The following TOP3A variants were observed in gnomAD, a reference collection of about 807,000 sequenced individuals.
TOP3A encodes DNA topoisomerase 3-alpha.
In TOP3A, 64 loss-of-function variants were observed where a neutral mutation model predicts 111.3. The observed-to-expected ratio is 0.57, with a 90% CI of 0.47 to 0.71. The LOEUF (loss-of-function observed/expected upper bound fraction) is 0.71, where lower values mean the gene tolerates loss of function less well. TOP3A is among the 30% of genes least tolerant of loss of function. The probability of loss-of-function intolerance (pLI) is 0.00; values close to 1 mark genes in which losing one functional copy is unlikely to be tolerated. For synonymous variants in TOP3A, 484 were observed against 485.1 expected (o/e 1.00, Z 0.03); for missense variants, 1,104 against 1,285.0 (o/e 0.86, Z 2.15).
At chr17:18,286,463 C>A (rs1006984363) in intron 13 of TOP3A, among the ~76,000 whole-genome samples, 4 of 152,056 alleles carry the variant, frequency 2.6e-5, no homozygotes, top group African/African-American at 9.7e-5. Flanking sequence ...CTGCAGTGAG[C>A]GGAGATCGAG....
At position 18,314,881 on chromosome 17, in the gene TOP3A, G is replaced by T; in HGVS notation, c.-103C>A. 1.5e-6 allele frequency: 1 copy of T among 674,118 alleles called. No individual in the cohort carries two copies. The highest frequency in any genetic ancestry group is 2.2e-6 in the Non-Finnish European group (1 of 449,990). 41.8% of individuals were successfully genotyped at this position (674,118 alleles called of 1,614,324 possible). ...CCCACCGAAAGGGAACCAGAGCCTC[G>T]CTTCGGTCACGTCCCCACCAGCCTG... On this transcript the variant is annotated 5_prime_UTR_variant, in exon 1 of 19. Transcript: ENST00000321105.
At chr17:18,302,163 A>T (rs187640229) in intron 7 of TOP3A, 101 bp downstream of exon 7, 164 of 1,457,214 alleles carry the variant, frequency 1.1e-4, no homozygotes, top group Non-Finnish European at 1.5e-4. Flanking sequence ...CAGCAAGACT[A>T]AAATAAATCA....
chr17:18,306,978 A>G lies in TOP3A; in HGVS notation c.315-12T>C. On this transcript the variant is annotated splice_polypyrimidine_tract_variant and intron_variant, in intron 3 of 18. Coordinates refer to ENST00000321105, the MANE Select transcript of TOP3A (RefSeq NM_004618.5). The stretch of plus-strand genomic sequence containing the variant: ...GGTTGCAGCTCTGCCTAGAAAAGAA[A>G]TGAAAACAGAGTCCCAACTCAGTAC... The G allele has an allele frequency of 1.9e-6, 3 of 1,604,570 alleles. No individual in the cohort carries two copies. The highest frequency in any genetic ancestry group is 1.7e-6 in the Non-Finnish European group (2 of 1,172,314).
At chr17:18,308,017 G>A (rs1981688036) in intron 3 of TOP3A, among the ~76,000 whole-genome samples, 1 of 151,096 alleles carries the variant, frequency 6.6e-6, no homozygotes, top group African/African-American at 2.4e-5. Context: ...TTCGAGACCA[G>A]CCTGGTCAAC....
intron 1 of TOP3A, 98 bp from the exon 2 acceptor site, chr17:18,309,039 G>A: frequency 3.1e-6 from 2 of 644,574 alleles, no homozygotes; most frequent in African/African-American, 1.9e-5. Context: ...ATGATTTCTT[G>A]GTTATGATAC....
chr17:18,304,970 C>T, intron 5 of TOP3A, 142 bp downstream of exon 5: 1 of 721,978 alleles, frequency 1.4e-6, no homozygotes, highest in Non-Finnish European at 2.5e-6. Context: ...TGCTCCAGGA[C>T]ACATGGCTGG....
Position 18,294,762 on chromosome 17 carries a change from T to G in TOP3A, c.1014A>C (p.Arg338=). 6.2e-7 allele frequency: 1 copy of G among 1,614,066 alleles called. No homozygotes were observed. The highest frequency in any genetic ancestry group is 8.5e-7 in the Non-Finnish European group (1 of 1,179,932). Residue 338 remains arginine (R), a synonymous_variant, in exon 10 of 19, where the codon CGA becomes CGC. Coordinates refer to ENST00000321105, the MANE Select transcript of TOP3A (RefSeq NM_004618.5). ...DTVELEKLAS[R]KLRINAKETM... The stretch of plus-strand genomic sequence containing the variant: ...TTTCTTTAGCATTTATTCTCAACTT[T>G]CGAGAAGCCAGCTTCTCAAGCTCCT...
chr17:18,298,656 T>G (rs1446266036), intron 9 of TOP3A, among the ~76,000 whole-genome samples: 2 of 151,908 alleles, frequency 1.3e-5, no homozygotes, highest in African/African-American at 2.4e-5. Flanking sequence ...ATGGTTGCCG[T>G]GTCTGTGTAG....
At chr17:18,305,500 G>A (rs1170479680) in intron 4 of TOP3A, among the ~76,000 whole-genome samples, 4 of 146,716 alleles carry the variant, frequency 2.7e-5, no homozygotes, top group East Asian at 1.9e-4. Flanking sequence ...GCGCGCGCGC[G>A]CGCGCACGCA....
chr17:18,297,391 C>A (rs1382936748), intron 9 of TOP3A, among the ~76,000 whole-genome samples: 1 of 152,100 alleles, frequency 6.6e-6, no homozygotes, highest in African/African-American at 2.4e-5. Context: ...CACCATTGCA[C>A]TCCAGCCTAG....
intron 3 of TOP3A, 122 bp from the exon 4 acceptor site, chr17:18,307,088 T>C (rs1372409232): frequency 1.5e-6 from 1 of 663,104 alleles, no homozygotes; most frequent in Non-Finnish European, 2.6e-6. Flanking sequence ...TCCCGGTGAA[T>C]TGAAAGTAAG....
chr17:18,279,381 C>T (rs1453256526), intron 17 of TOP3A, among the ~76,000 whole-genome samples: 3 of 151,536 alleles, frequency 2.0e-5, no homozygotes, highest in East Asian at 2.0e-4. Flanking sequence ...CTCAGCCTGC[C>T]GAGTAGCTGG....
chr17:18,277,853 C>T lies in TOP3A; in HGVS notation c.2649G>A (p.Gly883=). 6.2e-7 allele frequency: 1 copy of T among 1,614,110 alleles called. No homozygotes were observed. ...CPPGPGIHLG[G]FGNPGDGSGS... is the part of the protein sequence containing the mutation. ...CACTGCCATCACCAGGGTTGCCAAACCCACCTAGGTGGATCCCTGGGCCTG... is the reference window on the plus strand; with the variant it reads ...CACTGCCATCACCAGGGTTGCCAAATCCACCTAGGTGGATCCCTGGGCCTG... The change falls in exon 18 of 19, where the codon GGG becomes GGA. Residue 883 remains glycine, a synonymous_variant. Transcript: ENST00000321105.
rs988646739 is a variant in TOP3A, at chr17:18,292,774, G to T, written c.1152C>A (p.Thr384=). 1 of 1,614,028 alleles carries T rather than the reference G, an allele frequency of 6.2e-7. No individual in the cohort carries two copies. Among genetic ancestry groups the T allele is most frequent in the Non-Finnish European group, 8.5e-7 (1 of 1,179,974 alleles). ...LNLTVLVEQQ[T]PDPRWGAFAQ... ...CAAAGGCCCCCCAGCGTGGATCGGGGGTCTGCTGTTCCACCAACACCGTCA... is the reference window on the plus strand; with the variant it reads ...CAAAGGCCCCCCAGCGTGGATCGGGTGTCTGCTGTTCCACCAACACCGTCA... The change falls in exon 11 of 19, where the codon ACC becomes ACA. Residue 384 remains threonine, a synonymous_variant. Coordinates refer to ENST00000321105, the MANE Select transcript of TOP3A (RefSeq NM_004618.5).
Position 18,305,198 on chromosome 17 carries a change from C to A in TOP3A, c.413G>T (p.Arg138Leu). 1.2e-6 allele frequency: 2 copies of A among 1,614,068 alleles called. No individual in the cohort carries two copies. Among genetic ancestry groups the A allele is most frequent in the South Asian group, 2.2e-5 (2 of 91,076 alleles). The change falls in exon 5 of 19, where the codon CGC becomes CTC. Residue 138 changes from arginine to leucine, a missense_variant. Arg to Leu is a moderately radical substitution (Grantham distance 102, BLOSUM62 -2). Transcript: ENST00000321105. ...DIKKTLERET[R>L]QCQALVIWTD... The stretch of plus-strand genomic sequence containing the variant: ...CCAGATCACCAGAGCCTGGCACTGG[C>A]GAGTCTCTCGTTCCAAAGTTTTCTT...
At position 18,302,451 on chromosome 17, in the gene TOP3A, A is replaced by G. The variant is rs73980870; in HGVS notation, c.644-17T>C. 1 of 1,174,232 alleles carries G rather than the reference A, an allele frequency of 8.5e-7. No individual in the cohort carries two copies. The highest frequency in any genetic ancestry group is 1.2e-6 in the Non-Finnish European group (1 of 823,338). 72.7% of individuals were successfully genotyped at this position (1,174,232 alleles called of 1,614,324 possible). A position where few individuals can be genotyped will look rare whatever the true frequency, so the allele number is the denominator to read the frequency against. ...AGGCAGCTCCTGGAGAGTGAAGGAG[A>G]GTGAAGGAAGGTGAAAATGATGGAT... On this transcript the variant is annotated splice_polypyrimidine_tract_variant and intron_variant, in intron 6 of 18. Transcript: ENST00000321105.
intron 1 of TOP3A, among the ~76,000 whole-genome samples, chr17:18,310,610 G>A (rs1227729129): frequency 6.6e-6 from 1 of 152,092 alleles, no homozygotes; most frequent in Non-Finnish European, 1.5e-5. Context: ...TGGTTGTGAG[G>A]GGCTGAGGAG....
At chr17:18,299,207 C>G (rs1470969791) in intron 9 of TOP3A, among the ~76,000 whole-genome samples, 6 of 152,120 alleles carry the variant, frequency 3.9e-5, no homozygotes, top group Non-Finnish European at 7.3e-5. Context: ...TGGAGAATCA[C>G]TTGAGGCCAG....
chr17:18,314,829 G>A lies in TOP3A; in HGVS notation c.-51C>T. ...TCCCCGGCTGCCGGCGCATCCTGGG[G>A]AAGCCAGAGATGAGGCTCAAATGGC... On this transcript the variant is annotated 5_prime_UTR_variant, in exon 1 of 19. Coordinates refer to ENST00000321105, the MANE Select transcript of TOP3A (RefSeq NM_004618.5). 6.9e-7 allele frequency: 1 copy of A among 1,455,118 alleles called. No homozygotes were observed. The highest frequency in any genetic ancestry group is 1.3e-5 in the South Asian group (1 of 75,178). The allele number at this position is 1,455,118 out of a possible 1,614,324, so 90.1% of individuals were successfully genotyped here.
Sources: allele counts gnomAD v4.1 joint callset (sites outside exome capture counted in the v4.1 genomes callset), GRCh38; gene constraint gnomAD v4.1.1; transcripts MANE v1.5; gene names NCBI Gene and HGNC (gene_info 2026-07-23, HGNC 2026-07-21).